SLC29A4: variants seen among roughly 807,000 people sequenced by gnomAD.
The protein encoded by SLC29A4 is solute carrier family 29 member 4, also known as equilibrative nucleoside transporter 4.
Under a neutral mutation model 43.9 loss-of-function variants are expected in SLC29A4, and 36 were observed. That is an observed-to-expected ratio of 0.82 (90% CI 0.63 to 1.08). The LOEUF (loss-of-function observed/expected upper bound fraction) is 1.08, where lower values mean the gene tolerates loss of function less well. SLC29A4 is among the 50% of genes least tolerant of loss of function. SLC29A4 has a pLI of 0.00. For synonymous variants in SLC29A4, 491 were observed against 338.0 expected (o/e 1.45, Z -4.97); for missense variants, 869 against 755.3 (o/e 1.15, Z -1.77).
chr7:5,292,794 G>T (rs1785392036), intron 5 of SLC29A4, among the ~76,000 whole-genome samples: 2 of 143,962 alleles, frequency 1.4e-5, no homozygotes, highest in African/African-American at 5.2e-5. Context: ...CGCCTCCCGG[G>T]TTCAAGTGAT....
chr7:5,301,854 AGGGGTT>A (rs969953824), intron 10 of SLC29A4, among the ~76,000 whole-genome samples: 2 of 151,842 alleles, frequency 1.3e-5, no homozygotes, highest in Admixed American at 6.6e-5. Context: ...CCTCGTTGGG[AGGGGTT>A]GGGGTTGGGT....
At chr7:5,289,018 C>A (rs188793971) in intron 2 of SLC29A4, among the ~76,000 whole-genome samples, 554 of 152,298 alleles carry the variant, frequency 3.6e-3, no homozygotes, top group Non-Finnish European at 5.3e-3. Context: ...CTTGCTTGGG[C>A]CTGTCCCTGG....
rs1420255250 is a variant in SLC29A4 at position 5,304,020 on chromosome 7, G to A, written c.*1081G>A. On this transcript the variant is annotated 3_prime_UTR_variant, in exon 11 of 11. Transcript: ENST00000396872. The stretch of plus-strand genomic sequence containing the variant: ...CCCATCCCCCGTCTGTCCACTAACT[G>A]TACCGCACCGGCCATTAAAAGATGA... 6.6e-6 allele frequency: 1 copy of A among 152,282 alleles called. No homozygotes were observed. Among genetic ancestry groups the A allele is most frequent in the East Asian group, 1.9e-4 (1 of 5,196 alleles). The allele number at this position is 152,282 out of a possible 1,614,324, so 9.4% of individuals were successfully genotyped here.
chr7:5,301,751 G>A (rs934337798), intron 10 of SLC29A4, among the ~76,000 whole-genome samples: 4 of 152,162 alleles, frequency 2.6e-5, no homozygotes, highest in Non-Finnish European at 1.5e-5. Flanking sequence ...GGGTTGAGAG[G>A]TAGGGTGTGG....
chr7:5,295,280 T>A (rs1254762839), intron 6 of SLC29A4, among the ~76,000 whole-genome samples: 2 of 152,058 alleles, frequency 1.3e-5, no homozygotes, highest in Non-Finnish European at 2.9e-5. Flanking sequence ...GCCCCGTCCA[T>A]GGCCGTGATG....
In SLC29A4 at chr7:5,294,927, C is replaced by T. The variant is rs150087461; in HGVS notation, c.612C>T (p.Thr204=). ...AGCGGTACACGCAGGGGGTGATGAC[C>T]GGGGAGAGTGAGTATCTGCAGACCC... ...LPKRYTQGVM[T]GESTAGVMIS... Residue 204 remains threonine (T), a synonymous_variant, in exon 6 of 11, where the codon ACC becomes ACT. Coordinates refer to ENST00000396872, the MANE Select transcript of SLC29A4 (RefSeq NM_153247.4). The T allele has an allele frequency of 2.3e-4, 377 of 1,606,182 alleles. 2 individuals carry two copies. The highest frequency in any genetic ancestry group is 7.7e-4 in the South Asian group (69 of 89,724).
At chr7:5,292,690 C>CTTT (rs1056329272) in intron 5 of SLC29A4, among the ~76,000 whole-genome samples, 980 of 67,368 alleles carry the variant, frequency 0.015, 152 homozygotes, top group Non-Finnish European at 0.017. Context: ...CATTTTTTTC[C>CTTT]TTTTTTTTTT....
chr7:5,291,958 A>T, intron 5 of SLC29A4, 137 bp downstream of exon 5: 1 of 1,252,884 alleles, frequency 8.0e-7, no homozygotes, highest in East Asian at 2.5e-5. Context: ...GTCCACCTGC[A>T]TGCCAGCGTG....
At chr7:5,288,305 T>TTG (rs1054881891) in intron 2 of SLC29A4, among the ~76,000 whole-genome samples, 2 of 125,822 alleles carry the variant, frequency 1.6e-5, no homozygotes, top group African/African-American at 6.9e-5. Context: ...CTTCTTTTTT[T>TTG]TTTTTTTTTT....
At chr7:5,283,444 G>A (rs1029429049) in intron 1 of SLC29A4, among the ~76,000 whole-genome samples, 3 of 151,814 alleles carry the variant, frequency 2.0e-5, no homozygotes, top group Non-Finnish European at 4.4e-5. Flanking sequence ...CGGAAAAAGC[G>A]GCCGGGAGAG....
intron 5 of SLC29A4, 120 bp from the exon 6 acceptor site, chr7:5,294,740 T>G: frequency 7.5e-6 from 7 of 933,196 alleles, no homozygotes; most frequent in African/African-American, 1.6e-5. Flanking sequence ...CTCTCTGCCA[T>G]TAGTGGTGTT....
Position 5,306,041 on chromosome 7 carries a change from G to C in SLC29A4, c.*3102G>C, listed in dbSNP as rs529875119. The C allele has an allele frequency of 6.7e-6, 1 of 149,724 alleles. No homozygotes were observed. Among genetic ancestry groups the C allele is most frequent in the Non-Finnish European group, 1.5e-5 (1 of 67,608 alleles). The allele number at this position is 149,724 out of a possible 1,614,324, so 9.3% of individuals were successfully genotyped here. On this transcript the variant is annotated 3_prime_UTR_variant, in exon 11 of 11. Transcript: ENST00000396872. ...TTTTTGTATTTTTAGTAGAGATGGGGTTTCACCATATTGGCCAGGCTGGTC... is the reference window on the plus strand; with the variant it reads ...TTTTTGTATTTTTAGTAGAGATGGGCTTTCACCATATTGGCCAGGCTGGTC...
In SLC29A4 at chr7:5,287,977, C is replaced by G; in HGVS notation, c.161C>G (p.Thr54Arg). The change falls in exon 2 of 11, where the codon ACG (threonine) becomes AGG (arginine). Residue 54 changes from threonine to arginine, a missense_variant. Coordinates refer to ENST00000396872, the MANE Select transcript of SLC29A4 (RefSeq NM_153247.4). Reference protein sequence around the residue: ...GLRARGVPAFTDTTLDEPVPD... With the variant: ...GLRARGVPAFRDTTLDEPVPD... ...AGGGCCAGGGGCGTCCCAGCTTTCA[C>G]GGATACTAGTAAGTAGGCGTGCGGG... 6.2e-7 allele frequency: 1 copy of G among 1,608,382 alleles called. No individual in the cohort carries two copies. Among genetic ancestry groups the G allele is most frequent in the Non-Finnish European group, 8.5e-7 (1 of 1,178,626 alleles).
rs962607547 is a variant in SLC29A4, at chr7:5,299,442, C to G, written c.1209+15C>G. On this transcript the variant is annotated intron_variant, in intron 9 of 10. Transcript: ENST00000396872. ...TCGTGGGCAAGGTGGGCTGCCTGCC[C>G]TGCCCGGTGTCGGGGGACGCCATGG... The G allele has an allele frequency of 1.9e-6, 3 of 1,606,164 alleles. No homozygotes were observed. In the African/African-American group the frequency reaches 4.0e-5, roughly 21 times the overall value.
chr7:5,287,428 AAAAAG>A (rs1312797597), intron 1 of SLC29A4, among the ~76,000 whole-genome samples: 1 of 151,732 alleles, frequency 6.6e-6, no homozygotes, highest in East Asian at 1.9e-4. Context: ...AAAAAAAAAA[AAAAAG>A]AAAAAAAAGA....
At chr7:5,290,077 G>C (rs1158965065) in intron 2 of SLC29A4, among the ~76,000 whole-genome samples, 2 of 134,198 alleles carry the variant, frequency 1.5e-5, no homozygotes, top group Non-Finnish European at 3.1e-5. Flanking sequence ...TTTTTGAGAC[G>C]GAGTCTCACT....
chr7:5,304,553 A>C lies in SLC29A4; in HGVS notation c.*1614A>C. 6.6e-6 allele frequency: 1 copy of C among 152,060 alleles called. No homozygotes were observed. The highest frequency in any genetic ancestry group is 1.5e-5 in the Non-Finnish European group (1 of 68,124). The allele number at this position is 152,060 out of a possible 1,614,324, so 9.4% of individuals were successfully genotyped here. ...AGACTGAGTCTTGCTCTTGTCACCC[A>C]GGCTGGAGTGCAGTGGCACGATCTT... On this transcript the variant is annotated 3_prime_UTR_variant, in exon 11 of 11. Transcript: ENST00000396872.
chr7:5,283,898 G>A (rs1171587473), intron 1 of SLC29A4, among the ~76,000 whole-genome samples: 2 of 152,208 alleles, frequency 1.3e-5, no homozygotes, highest in African/African-American at 4.8e-5. Context: ...CGGCCCCCGA[G>A]TGAGGCCAGA....
chr7:5,284,388 C>T (rs1784837918), intron 1 of SLC29A4, among the ~76,000 whole-genome samples: 1 of 152,276 alleles, frequency 6.6e-6, no homozygotes, highest in African/African-American at 2.4e-5. Context: ...GTACTCTCAC[C>T]CTCTTCTTCC....
Sources: allele counts gnomAD v4.1 joint callset (sites outside exome capture counted in the v4.1 genomes callset), GRCh38; gene constraint gnomAD v4.1.1; transcripts MANE v1.5; gene names NCBI Gene and HGNC (gene_info 2026-07-23, HGNC 2026-07-21).